The following ARHGAP15 variants were observed in gnomAD, a reference collection of about 807,000 sequenced individuals.
ARHGAP15 encodes Rho GTPase activating protein 15.
Under a neutral mutation model 63.7 loss-of-function variants are expected in ARHGAP15, and 51 were observed. That is an observed-to-expected ratio of 0.80 (90% CI 0.64 to 1.01). The LOEUF (loss-of-function observed/expected upper bound fraction) is 1.01. ARHGAP15 is among the 50% of genes least tolerant of loss of function. ARHGAP15 has a pLI of 0.00. For missense variants in ARHGAP15, 560 were observed against 564.6 expected (o/e 0.99, Z 0.08); for synonymous variants, 191 against 193.8 (o/e 0.99, Z 0.12).
intron 5 of ARHGAP15, among the ~76,000 whole-genome samples, chr2:143,246,202 G>T (rs953563762): frequency 6.6e-6 from 1 of 151,478 alleles, no homozygotes; most frequent in Non-Finnish European, 1.5e-5. Context: ...TCTCTGCTTG[G>T]GTTTCTTCAT....
chr2:143,659,807 G>A (rs1409211785), intron 12 of ARHGAP15, among the ~76,000 whole-genome samples: 1 of 152,074 alleles, frequency 6.6e-6, no homozygotes, highest in East Asian at 1.9e-4. Context: ...GGGAATTCTG[G>A]AAATACCCAT....
chr2:143,620,386 G>A (rs1370274161), intron 11 of ARHGAP15, among the ~76,000 whole-genome samples: 1 of 151,932 alleles, frequency 6.6e-6, no homozygotes, highest in African/African-American at 2.4e-5. Flanking sequence ...AATTTGTTTT[G>A]TATCTGTTTA....
intron 6 of ARHGAP15, among the ~76,000 whole-genome samples, chr2:143,255,997 G>T (rs1456293414): frequency 1.3e-5 from 2 of 152,076 alleles, no homozygotes; most frequent in Admixed American, 6.6e-5. Flanking sequence ...TGGGTCTGGG[G>T]ATGTGTGTTC....
intron 13 of ARHGAP15, among the ~76,000 whole-genome samples, chr2:143,754,692 G>A (rs1054477100): frequency 1.3e-5 from 2 of 152,172 alleles, no homozygotes; most frequent in Non-Finnish European, 1.5e-5. Context: ...ACCAGGGCCT[G>A]GGCCACTTAC....
chr2:143,575,542 G>A (rs1403735515), intron 11 of ARHGAP15, among the ~76,000 whole-genome samples: 1 of 152,066 alleles, frequency 6.6e-6, no homozygotes, highest in Non-Finnish European at 1.5e-5. Flanking sequence ...CCAGTAGGGG[G>A]AGCTTTCTTT....
intron 11 of ARHGAP15, among the ~76,000 whole-genome samples, chr2:143,582,232 G>C (rs1377284325): frequency 6.6e-6 from 1 of 152,116 alleles, no homozygotes; most frequent in Non-Finnish European, 1.5e-5. Context: ...TTTTTATTAG[G>C]GGGGCAGGGA....
intron 11 of ARHGAP15, among the ~76,000 whole-genome samples, chr2:143,574,004 A>G (rs960372475): frequency 2.0e-5 from 3 of 152,200 alleles, no homozygotes; most frequent in African/African-American, 7.2e-5. Context: ...TTTCTTGAAA[A>G]TGTGCATTAT....
chr2:143,405,704 T>C (rs1688171889), intron 6 of ARHGAP15, among the ~76,000 whole-genome samples: 2 of 151,922 alleles, frequency 1.3e-5, no homozygotes, highest in African/African-American at 4.8e-5. Context: ...AAGGCCATCT[T>C]TTTGGGTGCC....
At chr2:143,391,479 A>G (rs957109521) in intron 6 of ARHGAP15, among the ~76,000 whole-genome samples, 2 of 152,138 alleles carry the variant, frequency 1.3e-5, no homozygotes, top group East Asian at 1.9e-4. Context: ...GCAGCACAAT[A>G]CAAGTTTTTA....
intron 11 of ARHGAP15, among the ~76,000 whole-genome samples, chr2:143,592,409 A>G (rs1447039069): frequency 6.6e-6 from 1 of 152,196 alleles, no homozygotes; most frequent in Non-Finnish European, 1.5e-5. Flanking sequence ...GTCGTTCTGT[A>G]AGAAACCTTG....
chr2:143,484,911 A>G (rs1692255732), intron 8 of ARHGAP15, among the ~76,000 whole-genome samples: 1 of 152,062 alleles, frequency 6.6e-6, no homozygotes, highest in Non-Finnish European at 1.5e-5. Context: ...ATACACAGAG[A>G]CAATCATACT....
At chr2:143,761,136 T>C (rs984282003) in intron 13 of ARHGAP15, among the ~76,000 whole-genome samples, 1 of 152,170 alleles carries the variant, frequency 6.6e-6, no homozygotes, top group African/African-American at 2.4e-5. Flanking sequence ...TAGGCAAGCA[T>C]ATGGTTAGCA....
At chr2:143,313,254 C>G (rs185965231) in intron 6 of ARHGAP15, among the ~76,000 whole-genome samples, 1 of 152,084 alleles carries the variant, frequency 6.6e-6, no homozygotes. Flanking sequence ...TGAAGTATGA[C>G]GGACTTACAT....
chr2:143,639,961 A>G (rs947999791), intron 12 of ARHGAP15, among the ~76,000 whole-genome samples: 5 of 152,274 alleles, frequency 3.3e-5, no homozygotes, highest in African/African-American at 9.6e-5. Context: ...TTTAGTTGGG[A>G]CATTTTAAAA....
chr2:143,303,406 C>A (rs1305437855), intron 6 of ARHGAP15, among the ~76,000 whole-genome samples: 1 of 151,730 alleles, frequency 6.6e-6, no homozygotes, highest in Non-Finnish European at 1.5e-5. Context: ...ATGAAACTGG[C>A]CAGCCATATG....
chr2:143,612,233 A>C (rs1436542688), intron 11 of ARHGAP15, among the ~76,000 whole-genome samples: 5 of 152,300 alleles, frequency 3.3e-5, no homozygotes, highest in Admixed American at 2.0e-4. Flanking sequence ...GCCAATATCA[A>C]ATTTTGATCC....
At chr2:143,174,400 C>T (rs1250284532) in intron 2 of ARHGAP15, among the ~76,000 whole-genome samples, 11 of 152,082 alleles carry the variant, frequency 7.2e-5, no homozygotes, top group African/African-American at 2.7e-4. Context: ...ACATCTCTCC[C>T]ATCCATAATT....
intron 9 of ARHGAP15, among the ~76,000 whole-genome samples, chr2:143,499,328 T>C (rs1329284696): frequency 6.6e-6 from 1 of 152,170 alleles, no homozygotes; most frequent in Non-Finnish European, 1.5e-5. Flanking sequence ...CTCGAGATAT[T>C]AAAATTGACT....
At chr2:143,247,712 A>T (rs1244459242) in intron 5 of ARHGAP15, among the ~76,000 whole-genome samples, 3 of 152,196 alleles carry the variant, frequency 2.0e-5, no homozygotes, top group Non-Finnish European at 4.4e-5. Context: ...AGCCCAGCAC[A>T]GTGGGTAACA....
Sources: allele counts gnomAD v4.1 joint callset (sites outside exome capture counted in the v4.1 genomes callset), GRCh38; gene constraint gnomAD v4.1.1; transcripts MANE v1.5; gene names NCBI Gene and HGNC (gene_info 2026-07-23, HGNC 2026-07-21).